WBP1: variants seen among roughly 807,000 people sequenced by gnomAD.
WBP1 encodes the protein WW domain-binding protein 1.
In WBP1, 18 loss-of-function variants were observed where a neutral mutation model predicts 25.6. The ratio of observed to expected loss-of-function variants is 0.70; its 90% CI spans 0.49 to 1.04. The LOEUF (loss-of-function observed/expected upper bound fraction) is 1.04, where lower values mean the gene tolerates loss of function less well. WBP1 is among the 50% of genes least tolerant of loss of function. WBP1 has a pLI of 0.00. For synonymous variants in WBP1, 122 were observed against 137.7 expected (o/e 0.89, Z 0.80); for missense variants, 330 against 352.9 (o/e 0.94, Z 0.52).
intron 2 of WBP1, 50 bp from the exon 3 acceptor site, chr2:74,459,823 C>G (rs751412857): frequency 5.6e-6 from 9 of 1,613,172 alleles, no homozygotes; most frequent in Non-Finnish European, 5.1e-6. Flanking sequence ...CTTCAGGGCC[C>G]CTTCTCTGCA....
rs1034366551 is a variant in WBP1 at position 74,460,755 on chromosome 2, G to A, written c.*74G>A. ...AGTCCCAACTCCTTGCGTTCCTTTG[G>A]CCCCTCCCTGCCTACCTAGAATCTG... On this transcript the variant is annotated 3_prime_UTR_variant, in exon 4 of 4. Transcript: ENST00000233615. 3.1e-6 allele frequency: 4 copies of A among 1,284,358 alleles called. No individual in the cohort carries two copies. Among genetic ancestry groups the A allele is most frequent in the Non-Finnish European group, 4.3e-6 (4 of 939,630 alleles). 79.6% of individuals were successfully genotyped at this position (1,284,358 alleles called of 1,614,324 possible).
intron 1 of WBP1, chr2:74,459,145 G>C: frequency 6.5e-7 from 1 of 1,533,140 alleles, no homozygotes; most frequent in Non-Finnish European, 8.8e-7. Context: ...CTCTATCCTA[G>C]GGAGCCTGAG....
chr2:74,458,893 G>C, intron 1 of WBP1: 3 of 1,550,722 alleles, frequency 1.9e-6, no homozygotes, highest in South Asian at 2.4e-5. Context: ...GGAAGCTTGC[G>C]GTGGCTCTCC....
chr2:74,459,487 T>TAA (rs1671824219), intron 1 of WBP1, 156 bp from the exon 2 acceptor site: 1 of 695,152 alleles, frequency 1.4e-6, no homozygotes, highest in Non-Finnish European at 2.5e-6. Context: ...GCCCTTCAGA[T>TAA]ATTTCAACAC....
Position 74,459,600 on chromosome 2 carries a change from G to T in WBP1, c.70-43G>T, listed in dbSNP as rs774646070. 1.0e-5 allele frequency: 16 copies of T among 1,590,486 alleles called. No individual in the cohort carries two copies. In the South Asian group the frequency reaches 1.8e-4, roughly 18 times the overall value. On this transcript the variant is annotated intron_variant, in intron 1 of 3. Transcript: ENST00000233615. ...AGGAGGTGGGGGTGGACAGTGCCCT[G>T]GGCTGGAATCCCCCTTAGTTCTAAG...
At position 74,458,559 on chromosome 2, in the gene WBP1, G is replaced by T; in HGVS notation, c.-44G>T. 3 of 1,528,216 alleles carry T rather than the reference G, an allele frequency of 2.0e-6. No individual in the cohort carries two copies. The South Asian group carries it at 3.6e-5, about 19-fold the overall frequency. 94.7% of individuals were successfully genotyped at this position (1,528,216 alleles called of 1,614,324 possible). ...AGAGGTGGCAGGGGCGGGGCGGCTG[G>T]CGGTAGAGGAGGCTGTGGTCCTCAG... is the stretch of plus-strand genomic sequence containing the variant. On this transcript the variant is annotated 5_prime_UTR_variant, in exon 1 of 4. Coordinates refer to ENST00000233615, the MANE Select transcript of WBP1 (RefSeq NM_012477.4).
Position 74,460,269 on chromosome 2 carries a change from G to A in WBP1, c.398G>A (p.Arg133His), listed in dbSNP as rs752467047. Residue 133 changes from arginine to histidine, a missense_variant, in exon 4 of 4, where the codon CGC becomes CAC. Arg to His is a conservative substitution (Grantham distance 29). Transcript: ENST00000233615. The part of the protein sequence containing the change: ...KPPAYEDVVH[R>H]PGTPPPPYTV... ...CCAGCCTACGAGGATGTGGTTCACC[G>A]CCCAGGCACACCACCCCCCCCTTAT... The A allele has an allele frequency of 9.3e-6, 15 of 1,613,534 alleles. No individual in the cohort carries two copies. Among genetic ancestry groups the A allele is most frequent in the African/African-American group, 4.0e-5 (3 of 74,840 alleles).
chr2:74,458,657 G>C lies in WBP1; in HGVS notation c.55G>C (p.Ala19Pro). Residue 19 changes from alanine (A) to proline (P), a missense_variant, in exon 1 of 4, where the codon GCG (alanine) becomes CCG (proline). By Grantham distance (27) the Ala-to-Pro change is conservative. Coordinates refer to ENST00000233615, the MANE Select transcript of WBP1 (RefSeq NM_012477.4). Reference sequence around the variant, plus strand: ...CGAGGAGGCCTGGGGGGCACTTCGGGCGCCGCAACAGCAGGTATCCCAATA... The same window carrying C: ...CGAGGAGGCCTGGGGGGCACTTCGGCCGCCGCAACAGCAGGTATCCCAATA... The part of the protein sequence containing the change: ...GSEEAWGALR[A>P]PQQQLRELCP... The C allele has an allele frequency of 6.4e-7, 1 of 1,572,694 alleles. No individual in the cohort carries two copies. Among genetic ancestry groups the C allele is most frequent in the Non-Finnish European group, 8.6e-7 (1 of 1,159,028 alleles).
intron 1 of WBP1, 36 bp downstream of exon 1, chr2:74,458,707 A>T: frequency 6.4e-7 from 1 of 1,552,724 alleles, no homozygotes; most frequent in Non-Finnish European, 8.7e-7. Context: ...CACGACAGCC[A>T]TTTGTCTCTT....
rs1029143614 is a variant in WBP1 at position 74,460,254 on chromosome 2, A to G, written c.383A>G (p.Glu128Gly). 5.6e-6 allele frequency: 9 copies of G among 1,613,122 alleles called. No individual in the cohort carries two copies. The African/African-American group carries it at 1.2e-4, about 22-fold the overall frequency. Reference sequence around the variant, plus strand: ...AGCACCTTCAAGCCCCCAGCCTACGAGGATGTGGTTCACCGCCCAGGCACA... The same window carrying G: ...AGCACCTTCAAGCCCCCAGCCTACGGGGATGTGGTTCACCGCCCAGGCACA... ...FLSTFKPPAY[E>G]DVVHRPGTPP... Residue 128 changes from glutamate to glycine, a missense_variant, in exon 4 of 4, where the codon GAG becomes GGG. Transcript: ENST00000233615.
Position 74,460,450 on chromosome 2 carries a change from G to A in WBP1, c.579G>A (p.Gly193=). 7 of 1,613,504 alleles carry A rather than the reference G, an allele frequency of 4.3e-6. No homozygotes were observed. The highest frequency in any genetic ancestry group is 5.9e-6 in the Non-Finnish European group (7 of 1,180,004). Residue 193 remains glycine, a synonymous_variant, in exon 4 of 4, where the codon GGG becomes GGA. Transcript: ENST00000233615. ...PPHQEGEPGA[G]VTPASTPPSC... The stretch of plus-strand genomic sequence containing the variant: ...ATCAGGAGGGTGAGCCCGGGGCAGG[G>A]GTGACCCCTGCCTCCACACCCCCCT...
In WBP1 at chr2:74,460,002, C is replaced by T. The variant is rs748105114; in HGVS notation, c.302C>T (p.Ala101Val). ...ATCAACTTGTTGGCCTATCATGGGG[C>T]ATGCCATGGGGCTGGTCCTTTCCCT... ...REINLLAYHG[A>V]CHGAGPFPTG... The change falls in exon 3 of 4, where the codon GCA becomes GTA. Residue 101 changes from alanine to valine, a missense_variant. Coordinates refer to ENST00000233615, the MANE Select transcript of WBP1 (RefSeq NM_012477.4). 2 of 1,614,154 alleles carry T rather than the reference C, an allele frequency of 1.2e-6. No individual in the cohort carries two copies. Among genetic ancestry groups the T allele is most frequent in the Non-Finnish European group, 1.7e-6 (2 of 1,180,024 alleles).
At position 74,458,517 on chromosome 2, in the gene WBP1, A is replaced by G. The variant is rs1671782735; in HGVS notation, c.-86A>G. On this transcript the variant is annotated 5_prime_UTR_variant, in exon 1 of 4. Transcript: ENST00000233615. The stretch of plus-strand genomic sequence containing the variant: ...CTCAGCGAAGATGGGCCGGGCAGGG[A>G]CCATGGCGGTGGCAGCAGAGGTGGC... 6.6e-7 allele frequency: 1 copy of G among 1,517,068 alleles called. No individual in the cohort carries two copies. The highest frequency in any genetic ancestry group is 8.9e-7 in the Non-Finnish European group (1 of 1,126,282). The allele number at this position is 1,517,068 out of a possible 1,614,324, so 94.0% of individuals were successfully genotyped here.
At position 74,458,498 on chromosome 2, in the gene WBP1, G is replaced by A. The variant is rs946567912; in HGVS notation, c.-105G>A. On this transcript the variant is annotated 5_prime_UTR_variant, in exon 1 of 4. Transcript: ENST00000233615. ...GCCGCGGAGTGATGGTGGCCTCAGC[G>A]AAGATGGGCCGGGCAGGGACCATGG... The A allele has an allele frequency of 3.4e-6, 5 of 1,486,586 alleles. No homozygotes were observed. In the African/African-American group the frequency reaches 5.6e-5, roughly 17 times the overall value. The allele number at this position is 1,486,586 out of a possible 1,614,324, so 92.1% of individuals were successfully genotyped here.
rs1172289852 is a variant in WBP1, at chr2:74,460,460, G to T, written c.589G>T (p.Ala197Ser). The T allele has an allele frequency of 1.2e-6, 2 of 1,613,234 alleles. No homozygotes were observed. The highest frequency in any genetic ancestry group is 8.5e-7 in the Non-Finnish European group (1 of 1,179,976). ...TGAGCCCGGGGCAGGGGTGACCCCT[G>T]CCTCCACACCCCCCTCCTGCCGCTA... ...EGEPGAGVTP[A>S]STPPSCRYRR... The change falls in exon 4 of 4, where the codon GCC (alanine) becomes TCC (serine). Residue 197 changes from alanine (A) to serine (S), a missense_variant. Physicochemically the swap from Ala to Ser is moderately conservative, Grantham distance 99. Coordinates refer to ENST00000233615, the MANE Select transcript of WBP1 (RefSeq NM_012477.4).
In WBP1 at chr2:74,458,554, G is replaced by A. The variant is rs1485969590; in HGVS notation, c.-49G>A. 4.6e-6 allele frequency: 7 copies of A among 1,526,062 alleles called. No individual in the cohort carries two copies. The East Asian group carries it at 1.2e-4, about 27-fold the overall frequency. The allele number at this position is 1,526,062 out of a possible 1,614,324, so 94.5% of individuals were successfully genotyped here. A position where few individuals can be genotyped will look rare whatever the true frequency, so the allele number is the denominator to read the frequency against. On this transcript the variant is annotated 5_prime_UTR_variant, in exon 1 of 4. Coordinates refer to ENST00000233615, the MANE Select transcript of WBP1 (RefSeq NM_012477.4). ...GCAGCAGAGGTGGCAGGGGCGGGGC[G>A]GCTGGCGGTAGAGGAGGCTGTGGTC... is the stretch of plus-strand genomic sequence containing the variant.
At chr2:74,459,308 T>C in intron 1 of WBP1, 2 of 348,796 alleles carry the variant, frequency 5.7e-6, no homozygotes, top group Non-Finnish European at 1.0e-5. Context: ...AACACTCCCT[T>C]AACAGAAAGC....
chr2:74,458,448 G>A lies in WBP1; in HGVS notation c.-155G>A. 1 of 1,447,076 alleles carries A rather than the reference G, an allele frequency of 6.9e-7. No homozygotes were observed. Among genetic ancestry groups the A allele is most frequent in the Non-Finnish European group, 9.1e-7 (1 of 1,099,960 alleles). 89.6% of individuals were successfully genotyped at this position (1,447,076 alleles called of 1,614,324 possible). On this transcript the variant is annotated 5_prime_UTR_variant, in exon 1 of 4. Transcript: ENST00000233615. ...AGAGCAATCTGAGTCCTAGTTGGTG[G>A]AGTTCTGCCCGGATGGAAGCTCCGG... is the stretch of plus-strand genomic sequence containing the variant.
Position 74,459,854 on chromosome 2 carries a change from C to T in WBP1, c.173-19C>T, listed in dbSNP as rs779558200. 20 of 1,612,596 alleles carry T rather than the reference C, an allele frequency of 1.2e-5. No individual in the cohort carries two copies. In the South Asian group the frequency reaches 2.1e-4, roughly 17 times the overall value. On this transcript the variant is annotated intron_variant, in intron 2 of 3. Transcript: ENST00000233615. Reference sequence around the variant, plus strand: ...CTGCATGAAAGATGCCTGAGTTGCTCCCTCCTTGCCTCTTGCAGGGTTCTG... The same window carrying T: ...CTGCATGAAAGATGCCTGAGTTGCTTCCTCCTTGCCTCTTGCAGGGTTCTG...
Sources: allele counts gnomAD v4.1 joint callset, GRCh38; gene constraint gnomAD v4.1.1; transcripts MANE v1.5; gene names NCBI Gene and HGNC (gene_info 2026-07-23, HGNC 2026-07-21).